PEMT: variants seen among roughly 807,000 people sequenced by gnomAD.
PEMT encodes the protein phospholipid methyltransferase.
PEMT carries 23 observed loss-of-function variants against 27.4 expected under a neutral mutation model. That is an observed-to-expected ratio of 0.84 (90% CI 0.60 to 1.19). The LOEUF (loss-of-function observed/expected upper bound fraction) is 1.19, where lower values mean the gene tolerates loss of function less well. PEMT is among the 50% of genes most tolerant of loss of function. The pLI, the probability that PEMT is intolerant of heterozygous loss-of-function variation, is 0.00. For synonymous variants in PEMT, 137 were observed against 139.1 expected (o/e 0.98, Z 0.11); for missense variants, 307 against 310.1 (o/e 0.99, Z 0.07).
At chr17:17,550,288 C>A (rs1909558732) in intron 2 of PEMT, among the ~76,000 whole-genome samples, 1 of 152,198 alleles carries the variant, frequency 6.6e-6, no homozygotes, top group Non-Finnish European at 1.5e-5. Context: ...GGGCCTGCTG[C>A]CGCTCGGTTT....
chr17:17,580,680 C>A (rs551058644), intron 1 of PEMT, among the ~76,000 whole-genome samples: 1 of 152,272 alleles, frequency 6.6e-6, no homozygotes, highest in South Asian at 2.1e-4. Context: ...AGTTTTCACC[C>A]ATCCCTCCCA....
chr17:17,514,893 AG>A (rs1342755987), intron 3 of PEMT, among the ~76,000 whole-genome samples: 5 of 152,144 alleles, frequency 3.3e-5, no homozygotes, highest in African/African-American at 1.2e-4. Flanking sequence ...AGGGGTTGGG[AG>A]GGGCGAACAG....
At chr17:17,510,843 C>T (rs1906325878) in intron 4 of PEMT, among the ~76,000 whole-genome samples, 1 of 152,188 alleles carries the variant, frequency 6.6e-6, no homozygotes, top group Admixed American at 6.5e-5. Flanking sequence ...CCCTCCCTGT[C>T]CAGATCCACC....
chr17:17,576,913 C>T lies in PEMT; in HGVS notation c.204+7G>A, dbSNP rs928437112. On this transcript the variant is annotated splice_region_variant and intron_variant, in intron 2 of 6. Transcript: ENST00000255389. ...CCCGTCTGGACAGTGTCAGGCACAT[C>T]ACTTACCACATTCCAGTAGAGCGGA... 2 of 1,608,714 alleles carry T rather than the reference C, an allele frequency of 1.2e-6. No homozygotes were observed. The highest frequency in any genetic ancestry group is 2.7e-5 in the African/African-American group (2 of 74,810).
chr17:17,505,942 C>A, intron 6 of PEMT, 94 bp from the exon 7 acceptor site: 1 of 1,458,878 alleles, frequency 6.9e-7, no homozygotes, highest in South Asian at 1.4e-5. Flanking sequence ...TGAGGGTGTC[C>A]AGATGGGACC....
chr17:17,570,775 TG>T, intron 2 of PEMT: 1 of 985,146 alleles, frequency 1.0e-6, no homozygotes. Flanking sequence ...AGAGGAGCAG[TG>T]GGGAGACTGG....
intron 2 of PEMT, among the ~76,000 whole-genome samples, chr17:17,550,588 T>C (rs1244194285): frequency 6.6e-6 from 1 of 152,204 alleles, no homozygotes; most frequent in East Asian, 1.9e-4. Flanking sequence ...TCGGATCCCA[T>C]CATTTATTGT....
chr17:17,544,215 CAGTG>C (rs1396455917), intron 2 of PEMT, among the ~76,000 whole-genome samples: 2 of 151,924 alleles, frequency 1.3e-5, no homozygotes, highest in Non-Finnish European at 2.9e-5. Context: ...GGCACCCAGA[CAGTG>C]AGTAACTGGC....
At chr17:17,534,644 T>C (rs755527010) in intron 2 of PEMT, among the ~76,000 whole-genome samples, 2 of 152,128 alleles carry the variant, frequency 1.3e-5, no homozygotes, top group African/African-American at 2.4e-5. Flanking sequence ...TGAGACAAGA[T>C]TGGGCCAGAT....
intron 2 of PEMT, among the ~76,000 whole-genome samples, chr17:17,571,092 T>C (rs571335056): frequency 2.0e-5 from 3 of 152,318 alleles, no homozygotes; most frequent in Admixed American, 2.0e-4. Flanking sequence ...TCAGTCCCTC[T>C]GTGACACCTT....
chr17:17,508,717 C>T (rs931084883), intron 5 of PEMT: 3 of 458,208 alleles, frequency 6.5e-6, no homozygotes, highest in Admixed American at 2.5e-5. Context: ...TCCTCTGACC[C>T]GCCGGGGGAG....
chr17:17,526,121 T>C (rs1907643503), intron 2 of PEMT, among the ~76,000 whole-genome samples: 1 of 152,158 alleles, frequency 6.6e-6, no homozygotes, highest in South Asian at 2.1e-4. Flanking sequence ...GTGTGTTTGC[T>C]CCATTCAGTA....
chr17:17,589,044 T>G (rs1198135310), intron 1 of PEMT, among the ~76,000 whole-genome samples: 2 of 152,228 alleles, frequency 1.3e-5, no homozygotes, highest in Non-Finnish European at 2.9e-5. Context: ...CACTGCAACC[T>G]CCACCTACGG....
At position 17,563,173 on chromosome 17, in the gene PEMT, T is replaced by C. The variant is rs141404114; in HGVS notation, c.204+13747A>G. On this transcript the variant is annotated intron_variant, in intron 2 of 6. Coordinates refer to ENST00000255389, the MANE Select transcript of PEMT (RefSeq NM_148172.3). ...GCCCCAGCCTGAGGAGCCGGCAGAC[T>C]AAGAGCCCCTGAGGCCCTCGGAGAG... is the stretch of plus-strand genomic sequence containing the variant. Among the ~76,000 whole-genome samples the C allele has an allele frequency of 3.6e-3, 549 of 152,110 alleles. 4 individuals are homozygous for C. The highest frequency in any genetic ancestry group is 6.2e-3 in the Non-Finnish European group (421 of 67,988).
At chr17:17,585,045 C>T (rs928182529) in intron 1 of PEMT, among the ~76,000 whole-genome samples, 1 of 152,190 alleles carries the variant, frequency 6.6e-6, no homozygotes, top group Non-Finnish European at 1.5e-5. Context: ...AGATTAAGAA[C>T]TGAGGTGAGT....
chr17:17,560,847 C>T (rs1567726073), intron 2 of PEMT, among the ~76,000 whole-genome samples: 1 of 151,580 alleles, frequency 6.6e-6, no homozygotes, highest in African/African-American at 2.4e-5. Context: ...CTCCACCTCA[C>T]CCCACCCTCA....
intron 2 of PEMT, among the ~76,000 whole-genome samples, chr17:17,535,799 G>T (rs1908423623): frequency 1.3e-5 from 2 of 152,180 alleles, no homozygotes; most frequent in South Asian, 4.1e-4. Context: ...TGGTGCAGGG[G>T]TCATTAAACG....
intron 2 of PEMT, among the ~76,000 whole-genome samples, chr17:17,529,883 G>T (rs933090389): frequency 6.6e-6 from 1 of 152,156 alleles, no homozygotes; most frequent in African/African-American, 2.4e-5. Flanking sequence ...AATGAACTGC[G>T]CTACAGCCCC....
At chr17:17,533,348 G>T (rs1908237528) in intron 2 of PEMT, among the ~76,000 whole-genome samples, 1 of 152,174 alleles carries the variant, frequency 6.6e-6, no homozygotes. Context: ...ATGGATCAAA[G>T]ACCTAAATGT....
Sources: gnomAD v4.1 joint callset for allele counts (sites outside exome capture counted in the v4.1 genomes callset) on GRCh38, gnomAD v4.1.1 for gene constraint, MANE v1.5 for transcripts, NCBI Gene and HGNC (gene_info 2026-07-23, HGNC 2026-07-21) for gene names.